UNC5C: variants seen among roughly 807,000 people sequenced by gnomAD.
UNC5C encodes netrin receptor UNC5C.
A neutral mutation model predicts 99.8 loss-of-function variants in UNC5C; 47 were observed. That is an observed-to-expected ratio of 0.47 (90% CI 0.37 to 0.60). The LOEUF is 0.60. Ranked by LOEUF, UNC5C falls within the 20% of genes least tolerant of loss-of-function variation. The probability of loss-of-function intolerance (pLI) is 0.00; values close to 1 mark genes in which losing one functional copy is unlikely to be tolerated. For synonymous variants in UNC5C, 487 were observed against 452.2 expected (o/e 1.08, Z -0.98); for missense variants, 1,062 against 1,165.9 (o/e 0.91, Z 1.30).
At chr4:95,417,427 C>T (rs1746199274) in intron 1 of UNC5C, among the ~76,000 whole-genome samples, 1 of 152,100 alleles carries the variant, frequency 6.6e-6, no homozygotes, top group Non-Finnish European at 1.5e-5. Flanking sequence ...GCACTTGTTG[C>T]ATAGTGATTT....
chr4:95,410,805 C>A (rs1745962245), intron 1 of UNC5C, among the ~76,000 whole-genome samples: 1 of 152,162 alleles, frequency 6.6e-6, no homozygotes. Flanking sequence ...CAAGCCCCCA[C>A]CCTGCTCGCC....
chr4:95,258,383 A>C (rs1436950784), intron 4 of UNC5C, among the ~76,000 whole-genome samples: 2 of 152,198 alleles, frequency 1.3e-5, no homozygotes, highest in East Asian at 3.9e-4. Context: ...TGATTTATAC[A>C]AGAAAGTAGT....
chr4:95,220,532 C>T (rs1738433456), intron 7 of UNC5C, among the ~76,000 whole-genome samples: 2 of 152,172 alleles, frequency 1.3e-5, no homozygotes, highest in Non-Finnish European at 2.9e-5. Context: ...TTTGAATTCA[C>T]TGATAGTTCT....
chr4:95,264,182 C>T (rs1234815397), intron 4 of UNC5C, among the ~76,000 whole-genome samples: 1 of 146,180 alleles, frequency 6.8e-6, no homozygotes, highest in African/African-American at 2.4e-5. Context: ...CTTTATTCAA[C>T]AATCAATGAA....
chr4:95,311,707 C>T (rs1742283496), intron 2 of UNC5C, among the ~76,000 whole-genome samples: 1 of 152,112 alleles, frequency 6.6e-6, no homozygotes, highest in African/African-American at 2.4e-5. Flanking sequence ...TACTATGTGA[C>T]AAGAACTTTT....
intron 1 of UNC5C, among the ~76,000 whole-genome samples, chr4:95,534,279 C>T (rs1003339367): frequency 7.9e-5 from 12 of 152,080 alleles, no homozygotes; most frequent in Non-Finnish European, 1.2e-4. Context: ...TTAGTTAATG[C>T]GTCTATTACA....
chr4:95,219,249 G>A lies in UNC5C; in HGVS notation c.1365C>T (p.Ala455=). The change falls in exon 9 of 16, where the codon GCC becomes GCT. Residue 455 remains alanine, a synonymous_variant. Coordinates refer to ENST00000453304, the MANE Select transcript of UNC5C (RefSeq NM_003728.4). ...GGATTTTGTCTGAGACGTCATGCAG[G>A]GCATAGACAGGTCCTCTGTACATGG... ...AAAMYRGPVY[A]LHDVSDKIPM... is the part of the protein sequence containing the mutation. 2 of 1,614,120 alleles carry A rather than the reference G, an allele frequency of 1.2e-6. No individual in the cohort carries two copies. The highest frequency in any genetic ancestry group is 1.7e-6 in the Non-Finnish European group (2 of 1,180,012).
intron 1 of UNC5C, among the ~76,000 whole-genome samples, chr4:95,440,999 G>A (rs1746935035): frequency 6.7e-6 from 1 of 149,898 alleles, no homozygotes; most frequent in Non-Finnish European, 1.5e-5. Flanking sequence ...TTAAATATAA[G>A]CCACATTCAA....
chr4:95,385,023 GC>G (rs869146223), intron 1 of UNC5C, among the ~76,000 whole-genome samples: 8 of 132,344 alleles, frequency 6.0e-5, no homozygotes. Context: ...TTGTATTTGT[GC>G]CCAGGGGGAG....
At chr4:95,310,931 C>A (rs1231699598) in intron 2 of UNC5C, among the ~76,000 whole-genome samples, 2 of 152,102 alleles carry the variant, frequency 1.3e-5, no homozygotes, top group Non-Finnish European at 2.9e-5. Context: ...ATAAAACTTA[C>A]TCTGGCAATC....
chr4:95,175,422 C>A (rs1455544671), intron 14 of UNC5C, among the ~76,000 whole-genome samples: 1 of 151,536 alleles, frequency 6.6e-6, no homozygotes, highest in Non-Finnish European at 1.5e-5. Context: ...TTCAGGAGCT[C>A]TTTTAGGGCA....
intron 7 of UNC5C, among the ~76,000 whole-genome samples, chr4:95,224,094 C>T (rs1738578741): frequency 6.6e-6 from 1 of 152,066 alleles, no homozygotes; most frequent in African/African-American, 2.4e-5. Flanking sequence ...ACAATCTGGG[C>T]AACATGGTGA....
chr4:95,244,783 G>C (rs554548041), intron 6 of UNC5C, among the ~76,000 whole-genome samples, 194 bp downstream of exon 6: 1 of 152,146 alleles, frequency 6.6e-6, no homozygotes, highest in Non-Finnish European at 1.5e-5. Flanking sequence ...AATTTTGCAT[G>C]TTTTGGTAAC....
chr4:95,235,104 AG>A (rs1156661294), intron 7 of UNC5C, among the ~76,000 whole-genome samples: 3 of 152,154 alleles, frequency 2.0e-5, no homozygotes, highest in Admixed American at 6.5e-5. Context: ...TCATACAACT[AG>A]GGTTTTATAC....
chr4:95,244,856 A>G, intron 6 of UNC5C, 121 bp downstream of exon 6: 2 of 1,313,778 alleles, frequency 1.5e-6, no homozygotes, highest in Middle Eastern at 3.7e-4. Context: ...AGTGAGTAGG[A>G]TGGATTTAAA....
At chr4:95,478,566 C>A (rs936696787) in intron 1 of UNC5C, among the ~76,000 whole-genome samples, 4 of 151,970 alleles carry the variant, frequency 2.6e-5, no homozygotes, top group African/African-American at 7.2e-5. Flanking sequence ...CTATTCCACA[C>A]CCTTGTTGTA....
intron 1 of UNC5C, among the ~76,000 whole-genome samples, chr4:95,367,187 C>CT (rs34534787): frequency 0.44 from 61,167 of 138,822 alleles, 15,986 homozygotes; most frequent in African/African-American, 0.74. Context: ...TTCTCCCATT[C>CT]TTTTTTTTTT....
rs368885814 is a variant in UNC5C, at chr4:95,424,005, A to C, written c.125-88374T>G. 5.9e-5 allele frequency among the ~76,000 whole-genome samples: 9 copies of C among 152,358 alleles called. No homozygotes were observed. In the East Asian group the frequency reaches 1.2e-3, roughly 20 times the overall value. On this transcript the variant is annotated intron_variant, in intron 1 of 15. Transcript: ENST00000453304. ...GGAAAACTATATAACAAAATTGATCAGTTTCCACAAACTAAATTAAATATT... is the reference window on the plus strand; with the variant it reads ...GGAAAACTATATAACAAAATTGATCCGTTTCCACAAACTAAATTAAATATT...
chr4:95,288,285 G>A (rs772763350), intron 3 of UNC5C, among the ~76,000 whole-genome samples: 39 of 151,776 alleles, frequency 2.6e-4, no homozygotes, highest in Admixed American at 7.2e-4. Context: ...GGGTTTCACC[G>A]TGCCAGCCAG....
Sources: allele counts gnomAD v4.1 joint callset (sites outside exome capture counted in the v4.1 genomes callset), GRCh38; gene constraint gnomAD v4.1.1; transcripts MANE v1.5; gene names NCBI Gene and HGNC (gene_info 2026-07-23, HGNC 2026-07-21).